Variants in TYW1B observed in about 807,000 individuals in gnomAD.
TYW1B encodes S-adenosyl-L-methionine-dependent tRNA 4-demethylwyosine synthase TYW1B.
A neutral mutation model predicts 86.9 loss-of-function variants in TYW1B; 73 were observed. That is an observed-to-expected ratio of 0.84 (90% CI 0.70 to 1.02). The LOEUF is 1.02. TYW1B is among the 50% of genes least tolerant of loss of function. The pLI is 0.00. For synonymous variants in TYW1B, 248 were observed against 292.8 expected (o/e 0.85, Z 1.56); for missense variants, 637 against 827.4 (o/e 0.77, Z 2.82).
intron 7 of TYW1B, among the ~76,000 whole-genome samples, chr7:72,763,978 T>C (rs782455825): frequency 3.3e-5 from 5 of 152,250 alleles, no homozygotes; most frequent in Admixed American, 2.6e-4. Context: ...TTCATTAAAA[T>C]ATGTTATCAG....
chr7:72,663,966 A>G (rs1327322087), intron 11 of TYW1B, among the ~76,000 whole-genome samples: 3 of 152,016 alleles, frequency 2.0e-5, no homozygotes, highest in African/African-American at 7.3e-5. Context: ...TATTAGAAAT[A>G]AAATGTATCT....
At chr7:72,767,601 C>T (rs1189330055) in intron 7 of TYW1B, among the ~76,000 whole-genome samples, 1 of 151,796 alleles carries the variant, frequency 6.6e-6, no homozygotes, top group Non-Finnish European at 1.5e-5. Context: ...CAGAGCAAGA[C>T]CCCGTCTCAA....
At chr7:72,625,781 C>A (rs577103074) in intron 12 of TYW1B, among the ~76,000 whole-genome samples, 3 of 151,230 alleles carry the variant, frequency 2.0e-5, no homozygotes, top group Non-Finnish European at 4.4e-5. Context: ...ATACTGTTTA[C>A]CAAGTAGCTG....
At chr7:72,682,903 G>A (rs1220658026) in intron 11 of TYW1B, among the ~76,000 whole-genome samples, 7 of 152,110 alleles carry the variant, frequency 4.6e-5, no homozygotes, top group African/African-American at 1.7e-4. Context: ...GTCATTAGGG[G>A]CCCTACACTT....
At chr7:72,811,635 G>A (rs1788621115) in intron 3 of TYW1B, among the ~76,000 whole-genome samples, 1 of 151,938 alleles carries the variant, frequency 6.6e-6, no homozygotes, top group Admixed American at 6.6e-5. Context: ...ATGTTGGCTG[G>A]GCCCAGTGGC....
Position 72,593,292 on chromosome 7 carries a change from T to TTAAAAAA in TYW1B, c.1786-17574_1786-17573insTTTTTTA, listed in dbSNP as rs1554431882. On this transcript the variant is annotated intron_variant, in intron 13 of 13. Coordinates refer to ENST00000620995, the MANE Select transcript of TYW1B (RefSeq NM_001145440.3). ...TGGGCAACAAGAGCAAAACTCCATC[T>TTAAAAAA]CAAAAAAAGAAAAAGAAAGAAAGAA... Among the ~76,000 whole-genome samples the TTAAAAAA allele has an allele frequency of 5.5e-3, 452 of 82,138 alleles. 2 individuals carry two copies. Among genetic ancestry groups the TTAAAAAA allele is most frequent in the Non-Finnish European group, 7.9e-3 (368 of 46,346 alleles). The allele number at this position is 82,138 out of a possible 152,430, so 53.9% of individuals were successfully genotyped here.
At chr7:72,770,204 G>A (rs1554469247) in intron 7 of TYW1B, among the ~76,000 whole-genome samples, 1 of 151,842 alleles carries the variant, frequency 6.6e-6, no homozygotes, top group Non-Finnish European at 1.5e-5. Flanking sequence ...GCCTAGGTGG[G>A]CAGATCACGA....
chr7:72,596,067 T>C (rs1811523106), intron 13 of TYW1B, among the ~76,000 whole-genome samples: 1 of 150,958 alleles, frequency 6.6e-6, no homozygotes, highest in African/African-American at 2.4e-5. Flanking sequence ...TCCCAGCTAC[T>C]TGGGAGGCTG....
At chr7:72,672,035 T>C (rs1407213045) in intron 11 of TYW1B, among the ~76,000 whole-genome samples, 1 of 151,176 alleles carries the variant, frequency 6.6e-6, no homozygotes, top group Non-Finnish European at 1.5e-5. Flanking sequence ...GGGGACCTGG[T>C]AGGAGGTAAC....
intron 7 of TYW1B, among the ~76,000 whole-genome samples, chr7:72,760,792 A>C (rs1554467046): frequency 1.3e-5 from 2 of 152,202 alleles, no homozygotes; most frequent in African/African-American, 2.4e-5. Flanking sequence ...ATTTGTCTCT[A>C]CTAGACATTT....
chr7:72,756,702 G>C (rs1554466207), intron 7 of TYW1B, among the ~76,000 whole-genome samples: 1 of 152,148 alleles, frequency 6.6e-6, no homozygotes, highest in African/African-American at 2.4e-5. Flanking sequence ...AGCTCCTGGA[G>C]ATACAGCCAC....
At chr7:72,612,657 C>T (rs1343274818) in intron 13 of TYW1B, among the ~76,000 whole-genome samples, 2 of 152,152 alleles carry the variant, frequency 1.3e-5, no homozygotes, top group African/African-American at 2.4e-5. Flanking sequence ...GAAAAGGACA[C>T]GTCGCCAACA....
At chr7:72,818,047 TC>T (rs1788757467) in intron 2 of TYW1B, among the ~76,000 whole-genome samples, 1 of 151,182 alleles carries the variant, frequency 6.6e-6, no homozygotes, top group South Asian at 2.1e-4. Flanking sequence ...GGTGTTGAGT[TC>T]TTGCCCTATC....
chr7:72,654,894 C>T (rs1406558376), intron 11 of TYW1B, among the ~76,000 whole-genome samples: 2 of 152,022 alleles, frequency 1.3e-5, no homozygotes, highest in East Asian at 1.9e-4. Flanking sequence ...AAATAAACAA[C>T]AAAAAATATT....
At chr7:72,814,989 G>C (rs1172948791) in intron 3 of TYW1B, among the ~76,000 whole-genome samples, 4 of 145,284 alleles carry the variant, frequency 2.8e-5, no homozygotes, top group South Asian at 4.4e-4. Context: ...AGAATCACTT[G>C]AACCTGGAGA....
chr7:72,632,387 C>CACATATATA (rs1812536848), intron 11 of TYW1B, among the ~76,000 whole-genome samples: 1 of 73,914 alleles, frequency 1.4e-5, no homozygotes, highest in Non-Finnish European at 2.3e-5. Context: ...TATATATATA[C>CACATATATA]GTATATATAT....
intron 11 of TYW1B, among the ~76,000 whole-genome samples, chr7:72,668,825 C>T (rs1243147747): frequency 1.3e-5 from 2 of 152,120 alleles, no homozygotes; most frequent in African/African-American, 2.4e-5. Context: ...GTCTCAGTTC[C>T]GCTATCACTT....
At chr7:72,660,420 G>T (rs1813301598) in intron 11 of TYW1B, among the ~76,000 whole-genome samples, 2 of 152,024 alleles carry the variant, frequency 1.3e-5, no homozygotes, top group Admixed American at 1.3e-4. Context: ...CAGCAGCATG[G>T]CTGTTCCAAT....
intron 11 of TYW1B, among the ~76,000 whole-genome samples, chr7:72,633,538 C>A (rs1349325577): frequency 6.6e-6 from 1 of 152,186 alleles, no homozygotes. Context: ...TCACAAAATG[C>A]CCATCACCCA....
Sources: gnomAD v4.1 joint callset for allele counts (sites outside exome capture counted in the v4.1 genomes callset) on GRCh38, gnomAD v4.1.1 for gene constraint, MANE v1.5 for transcripts, NCBI Gene and HGNC (gene_info 2026-07-23, HGNC 2026-07-21) for gene names.